Variants in XKR6 observed in about 807,000 individuals in gnomAD.
XKR6 encodes XK related 6, also known as XK-related protein 6.
XKR6 carries 22 observed loss-of-function variants against 56.7 expected under a neutral mutation model. That is an observed-to-expected ratio of 0.39 (90% confidence interval 0.28 to 0.55). The LOEUF (loss-of-function observed/expected upper bound fraction) is 0.55, where lower values mean the gene tolerates loss of function less well. XKR6 is among the 20% of genes least tolerant of loss of function. XKR6 has a pLI of 0.66. For synonymous variants in XKR6, 524 were observed against 387.8 expected (o/e 1.35, Z -4.13); for missense variants, 852 against 889.0 (o/e 0.96, Z 0.53).
At chr8:11,161,775 A>G (rs1443304674) in intron 1 of XKR6, among the ~76,000 whole-genome samples, 2 of 152,092 alleles carry the variant, frequency 1.3e-5, no homozygotes, top group East Asian at 1.9e-4. Flanking sequence ...AATATTTAAT[A>G]TATTTGTAAA....
rs773801919 is a variant in XKR6, at chr8:10,898,254, T to A, written c.1624A>T (p.Thr542Ser). 6.2e-7 allele frequency: 1 copy of A among 1,613,898 alleles called. No homozygotes were observed. Among genetic ancestry groups the A allele is most frequent in the Admixed American group, 1.7e-5 (1 of 59,998 alleles). The change falls in exon 3 of 3, where the codon ACG (threonine) becomes TCG (serine). Residue 542 changes from threonine (T) to serine (S), a missense_variant. By Grantham distance (58) the Thr-to-Ser change is moderately conservative. Around this residue, in one of 4 missense-constraint regions of XKR6, gnomAD observed 197 missense variants for 190.9 expected, o/e 1.03. Coordinates refer to ENST00000416569, the MANE Select transcript of XKR6 (RefSeq NM_173683.4). The surrounding 1 kb of genome is among the most constrained non-coding windows in gnomAD (Gnocchi z 6.6). ...TGTTCCGTTACGGCTCTGGTGGGCG[T>A]AACCTGGGTCCCCCGGTACCCAGGG... ...EIPGYRGTQV[T>S]PTRAVTEQQE...
intron 1 of XKR6, among the ~76,000 whole-genome samples, chr8:11,110,929 C>T (rs1225844752): frequency 1.3e-5 from 2 of 151,824 alleles, no homozygotes; most frequent in African/African-American, 4.8e-5. Context: ...CTCCGCCTCC[C>T]AGGTTCACAC....
At chr8:10,947,700 C>T (rs946977295) in intron 1 of XKR6, among the ~76,000 whole-genome samples, 2 of 152,196 alleles carry the variant, frequency 1.3e-5, no homozygotes, top group Non-Finnish European at 2.9e-5. Flanking sequence ...GCATCTTCTC[C>T]CAACCTTCAG....
intron 1 of XKR6, chr8:11,104,883 G>C (rs1475098626): frequency 6.6e-6 from 1 of 152,206 alleles, no homozygotes; most frequent in African/African-American, 2.4e-5. Context: ...TGAGGTTTCA[G>C]TGCTTTTTCA....
In XKR6 at chr8:11,119,663, A is replaced by T. The variant is rs148322629; in HGVS notation, c.764+80913T>A. Among the ~76,000 whole-genome samples, 613 of 152,138 alleles carry T rather than the reference A, an allele frequency of 4.0e-3. 4 individuals are homozygous for T. Among genetic ancestry groups the T allele is most frequent in the African/African-American group, 0.014 (566 of 41,482 alleles). On this transcript the variant is annotated intron_variant, in intron 1 of 2. Coordinates refer to ENST00000416569, the MANE Select transcript of XKR6 (RefSeq NM_173683.4). Reference sequence around the variant, plus strand: ...TTTTTGTTTTCTATTTACTTGGTAGATCTTCCTCCATCCCTTTATTTTGAG... The same window carrying T: ...TTTTTGTTTTCTATTTACTTGGTAGTTCTTCCTCCATCCCTTTATTTTGAG...
chr8:11,045,075 C>A (rs1305407832), intron 1 of XKR6, among the ~76,000 whole-genome samples: 2 of 36,036 alleles, frequency 5.6e-5, no homozygotes, highest in East Asian at 1.1e-3. Context: ...TCAAATCACT[C>A]TTTTTTTTTT....
intron 1 of XKR6, among the ~76,000 whole-genome samples, chr8:11,038,885 T>C (rs1799214802): frequency 6.6e-6 from 1 of 152,032 alleles, no homozygotes; most frequent in Non-Finnish European, 1.5e-5. Context: ...ATTGGCTTAG[T>C]TTGGCCAGAG....
intron 1 of XKR6, among the ~76,000 whole-genome samples, chr8:11,145,148 C>G (rs1405008262): frequency 6.6e-6 from 1 of 152,050 alleles, no homozygotes; most frequent in East Asian, 1.9e-4. Flanking sequence ...CGACATGATA[C>G]TCAAAGGAAA....
At position 11,071,043 on chromosome 8, in the gene XKR6, C is replaced by T. The variant is rs117073614; in HGVS notation, c.764+129533G>A. 5.1e-3 allele frequency among the ~76,000 whole-genome samples: 784 copies of T among 152,344 alleles called. 4 individuals carry two copies. The highest frequency in any genetic ancestry group is 0.013 in the Admixed American group (200 of 15,310). ...GGTGACACAGAGGGTTGGCCATCTCCTCCTGGCCAGTTCATCTCATTCACT... is the reference window on the plus strand; with the variant it reads ...GGTGACACAGAGGGTTGGCCATCTCTTCCTGGCCAGTTCATCTCATTCACT... On this transcript the variant is annotated intron_variant, in intron 1 of 2. Transcript: ENST00000416569.
chr8:11,035,359 T>C, intron 1 of XKR6: 1 of 533,746 alleles, frequency 1.9e-6, no homozygotes, highest in South Asian at 1.4e-5. Flanking sequence ...AGCCAGGAGA[T>C]CAAATCATGA....
intron 1 of XKR6, among the ~76,000 whole-genome samples, chr8:10,935,649 T>C (rs369555102): frequency 6.6e-6 from 1 of 151,734 alleles, no homozygotes; most frequent in Non-Finnish European, 1.5e-5. Flanking sequence ...GCCTTCATTT[T>C]GTTATGTACC....
intron 1 of XKR6, chr8:11,195,312 C>G (rs1341376118): frequency 8.2e-6 from 5 of 612,210 alleles, no homozygotes; most frequent in African/African-American, 5.6e-5. Flanking sequence ...TTCTGTTTAC[C>G]TAAGGTAGAG....
chr8:11,094,752 A>T (rs975120866), intron 1 of XKR6, among the ~76,000 whole-genome samples: 10 of 152,178 alleles, frequency 6.6e-5, no homozygotes, highest in Non-Finnish European at 8.8e-5. Flanking sequence ...TGTCAATGTC[A>T]TCATCAGCAT....
At chr8:10,988,836 A>G (rs147940357) in intron 1 of XKR6, among the ~76,000 whole-genome samples, 1 of 152,246 alleles carries the variant, frequency 6.6e-6, no homozygotes, top group African/African-American at 2.4e-5. Context: ...GGATTCTATC[A>G]GAGGCCTGCT....
At chr8:10,992,287 TCACA>T (rs113725403) in intron 1 of XKR6, among the ~76,000 whole-genome samples, 52 of 149,882 alleles carry the variant, frequency 3.5e-4, no homozygotes, top group Middle Eastern at 7.0e-3. Context: ...TCTCTCTCTC[TCACA>T]CACACACACA....
At chr8:11,179,278 T>C (rs1283246845) in intron 1 of XKR6, among the ~76,000 whole-genome samples, 1 of 152,164 alleles carries the variant, frequency 6.6e-6, no homozygotes, top group African/African-American at 2.4e-5. Context: ...GTCACACACG[T>C]AGATTCCTTT....
intron 1 of XKR6, among the ~76,000 whole-genome samples, chr8:11,140,722 C>A (rs1292001621): frequency 6.6e-6 from 1 of 151,680 alleles, no homozygotes; most frequent in East Asian, 1.9e-4. Flanking sequence ...ACGGTGAAAC[C>A]CGGTCTCTAC....
rs78072990 is a variant in XKR6, at chr8:11,068,121, C to A, written c.764+132455G>T. The stretch of plus-strand genomic sequence containing the variant: ...GATTTAGGGAAAAACTCACCTTCAA[C>A]AGCCTCTCCCAGCCCATCTGCTCTT... On this transcript the variant is annotated intron_variant, in intron 1 of 2. Coordinates refer to ENST00000416569, the MANE Select transcript of XKR6 (RefSeq NM_173683.4). 6.2e-3 allele frequency among the ~76,000 whole-genome samples: 950 copies of A among 152,360 alleles called. 11 individuals are homozygous for A. The highest frequency in any genetic ancestry group is 0.022 in the African/African-American group (908 of 41,586).
chr8:11,066,011 C>G (rs1799967997), intron 1 of XKR6, among the ~76,000 whole-genome samples: 2 of 152,232 alleles, frequency 1.3e-5, no homozygotes, highest in African/African-American at 4.8e-5. Context: ...GGGGGCTCTG[C>G]ATTCTCTGAA....
Sources: gnomAD v4.1 joint callset for allele counts (sites outside exome capture counted in the v4.1 genomes callset) on GRCh38, gnomAD v4.1.1 for gene constraint, gnomAD v4.1.1 regional missense constraint, Gnocchi (gnomAD v3.1) non-coding constraint, MANE v1.5 for transcripts, NCBI Gene and HGNC (gene_info 2026-07-23, HGNC 2026-07-21) for gene names.